The following TLK2 variants were observed in gnomAD, a reference collection of about 807,000 sequenced individuals.
TLK2 encodes serine/threonine-protein kinase tousled-like 2.
A neutral mutation model predicts 117.3 loss-of-function variants in TLK2; 6 were observed. The ratio of observed to expected loss-of-function variants is 0.05; its 90% CI spans 0.03 to 0.10. TLK2 has a LOEUF of 0.10. Among genes scored for constraint, TLK2 ranks in the 10% least tolerant of loss-of-function variants. The probability of loss-of-function intolerance (pLI) is 1.00; values close to 1 mark genes in which losing one functional copy is unlikely to be tolerated. For synonymous variants in TLK2, 257 were observed against 316.7 expected (o/e 0.81, Z 2.00); for missense variants, 299 against 901.2 (o/e 0.33, Z 8.56).
At chr17:62,496,119 T>G (rs1156318774) in intron 2 of TLK2, among the ~76,000 whole-genome samples, 3 of 152,226 alleles carry the variant, frequency 2.0e-5, no homozygotes, top group Middle Eastern at 3.2e-3. Flanking sequence ...TTGAGAGATA[T>G]ATCTGCAAAT....
intron 2 of TLK2, among the ~76,000 whole-genome samples, chr17:62,494,658 C>A (rs988971930): frequency 6.6e-6 from 1 of 152,120 alleles, no homozygotes; most frequent in Admixed American, 6.5e-5. Flanking sequence ...CCTGCCTTGG[C>A]CTCCCAAAGT....
chr17:62,480,305 G>A (rs1041795448), intron 1 of TLK2, among the ~76,000 whole-genome samples: 3 of 152,220 alleles, frequency 2.0e-5, no homozygotes, highest in Admixed American at 2.0e-4. Flanking sequence ...AATGGGTCGT[G>A]TAGGAGTTGG....
At chr17:62,591,180 C>G (rs945711869) in intron 16 of TLK2, among the ~76,000 whole-genome samples, 11 of 151,984 alleles carry the variant, frequency 7.2e-5, no homozygotes, top group African/African-American at 2.7e-4. Context: ...ACCCAGGAGG[C>G]GGAAGTTGCA....
chr17:62,522,285 T>A lies in TLK2; in HGVS notation c.223+12T>A. ...TGAAACTAGCCAAGGTAGTAATAAT[T>A]TCGTATCAACAAAAGTACTCAATTC... is the stretch of plus-strand genomic sequence containing the variant. On this transcript the variant is annotated intron_variant, in intron 4 of 21. Transcript: ENST00000346027. 6.2e-7 allele frequency: 1 copy of A among 1,608,666 alleles called. No homozygotes were observed. Among genetic ancestry groups the A allele is most frequent in the Non-Finnish European group, 8.5e-7 (1 of 1,177,998 alleles).
intron 2 of TLK2, among the ~76,000 whole-genome samples, chr17:62,494,271 T>G (rs976596282): frequency 1.3e-5 from 2 of 152,098 alleles, no homozygotes; most frequent in African/African-American, 4.8e-5. Context: ...TTAGTAGATA[T>G]GGGGTTTCAC....
chr17:62,497,315 G>C (rs2073797984), intron 2 of TLK2, among the ~76,000 whole-genome samples: 1 of 152,134 alleles, frequency 6.6e-6, no homozygotes, highest in South Asian at 2.1e-4. Flanking sequence ...AGAAACCACT[G>C]ACTTATAGTT....
chr17:62,540,423 T>TTTTTTTTTA (rs2077447509), intron 7 of TLK2, among the ~76,000 whole-genome samples: 7 of 129,982 alleles, frequency 5.4e-5, no homozygotes, highest in Non-Finnish European at 9.6e-5. Flanking sequence ...TTTTTTTTTT[T>TTTTTTTTTA]GAGACAGAGT....
chr17:62,601,386 T>C (rs142887609), intron 18 of TLK2, among the ~76,000 whole-genome samples: 2 of 152,372 alleles, frequency 1.3e-5, no homozygotes, highest in East Asian at 3.9e-4. Flanking sequence ...ACAGCTTAGC[T>C]TGGGCATTAG....
chr17:62,477,547 G>C (rs928050203), upstream of TLK2: 3 of 152,196 alleles, frequency 2.0e-5, no homozygotes, highest in Admixed American at 6.5e-5. Flanking sequence ...GAAGAAATAA[G>C]GGCAGAAACT....
intron 12 of TLK2, among the ~76,000 whole-genome samples, chr17:62,575,130 G>A (rs1324003229): frequency 6.6e-6 from 1 of 152,198 alleles, no homozygotes; most frequent in Middle Eastern, 3.2e-3. Context: ...CTTTGCCACA[G>A]AAGAATAATT....
At chr17:62,581,307 T>C (rs2081201805) in intron 15 of TLK2, among the ~76,000 whole-genome samples, 1 of 152,104 alleles carries the variant, frequency 6.6e-6, no homozygotes, top group Non-Finnish European at 1.5e-5. Context: ...CCAGCTGTGA[T>C]TTTATTAAGT....
chr17:62,527,970 T>G (rs940935483), intron 6 of TLK2, among the ~76,000 whole-genome samples: 6 of 152,168 alleles, frequency 3.9e-5, no homozygotes, highest in Non-Finnish European at 8.8e-5. Flanking sequence ...CTCGATCTCT[T>G]GACCTCGTGA....
intron 2 of TLK2, among the ~76,000 whole-genome samples, chr17:62,511,250 A>G (rs1053470775): frequency 2.0e-5 from 3 of 152,224 alleles, no homozygotes; most frequent in Non-Finnish European, 2.9e-5. Flanking sequence ...CTTTCCTGCT[A>G]CGCGTTTGTA....
At chr17:62,512,074 C>T (rs2075188937) in intron 2 of TLK2, among the ~76,000 whole-genome samples, 3 of 152,100 alleles carry the variant, frequency 2.0e-5, no homozygotes, top group Admixed American at 6.6e-5. Flanking sequence ...CAGTGTTTAG[C>T]GTTGTTGCTA....
intron 7 of TLK2, chr17:62,551,709 GA>G (rs60162532): frequency 0.39 from 49,374 of 125,298 alleles, 8,230 homozygotes; most frequent in Admixed American, 0.45. Context: ...CATCTCAAAA[GA>G]AAAAAAAAAA....
At chr17:62,487,364 C>T (rs550384538) in intron 2 of TLK2, among the ~76,000 whole-genome samples, 2 of 150,640 alleles carry the variant, frequency 1.3e-5, no homozygotes, top group Non-Finnish European at 3.0e-5. Context: ...AGTTAACCGC[C>T]CTAGAAAGAC....
chr17:62,575,779 C>G (rs1339381856), intron 12 of TLK2, among the ~76,000 whole-genome samples: 1 of 152,122 alleles, frequency 6.6e-6, no homozygotes, highest in Non-Finnish European at 1.5e-5. Flanking sequence ...TCACTATAGC[C>G]TCAACCTTCT....
At chr17:62,504,103 A>T (rs1237158109) in intron 2 of TLK2, among the ~76,000 whole-genome samples, 3 of 152,128 alleles carry the variant, frequency 2.0e-5, no homozygotes. Context: ...TTTTGTTGTA[A>T]TACATGCTTG....
intron 2 of TLK2, among the ~76,000 whole-genome samples, chr17:62,511,966 T>C (rs1275511538): frequency 6.6e-6 from 1 of 152,220 alleles, no homozygotes; most frequent in East Asian, 1.9e-4. Context: ...AAGTTTTAAG[T>C]GCATTTTTAG....
Sources: gnomAD v4.1 joint callset for allele counts (sites outside exome capture counted in the v4.1 genomes callset) on GRCh38, gnomAD v4.1.1 for gene constraint, MANE v1.5 for transcripts, NCBI Gene and HGNC (gene_info 2026-07-23, HGNC 2026-07-21) for gene names.